LSAMP: variants seen among roughly 807,000 people sequenced by gnomAD.
The protein encoded by LSAMP is limbic system-associated membrane protein.
LSAMP carries 7 observed loss-of-function variants against 38.6 expected under a neutral mutation model. The ratio of observed to expected loss-of-function variants is 0.18; its 90% CI spans 0.10 to 0.34. The LOEUF (loss-of-function observed/expected upper bound fraction) is 0.34. Ranked by LOEUF, LSAMP falls within the 10% of genes least tolerant of loss-of-function variation. LSAMP has a pLI of 1.00. For missense variants in LSAMP, 313 were observed against 420.0 expected (o/e 0.75, Z 2.23); for synonymous variants, 154 against 166.8 (o/e 0.92, Z 0.59).
rs187753958 is a variant in LSAMP, at chr3:116,323,474, C to T, written c.155+121403G>A. Among the ~76,000 whole-genome samples, 420 of 152,182 alleles carry T rather than the reference C, an allele frequency of 2.8e-3. 2 individuals carry two copies. Among genetic ancestry groups the T allele is most frequent in the Non-Finnish European group, 3.1e-3 (210 of 67,960 alleles). The stretch of plus-strand genomic sequence containing the variant: ...AAGTCCAGAGCAAATCTCTTTGACC[C>T]AATTAATCATTTTTAATTGGCTGTA... On this transcript the variant is annotated intron_variant, in intron 1 of 6. Transcript: ENST00000490035.
Position 115,866,625 on chromosome 3 carries a change from G to A in LSAMP, c.515-14008C>T, listed in dbSNP as rs116093687. ...GTTAATCTGTAAATAGATGAGAAAT[G>A]TAAAGTTTCTTTGCATCATGCTATG... is the stretch of plus-strand genomic sequence containing the variant. On this transcript the variant is annotated intron_variant, in intron 3 of 6. Transcript: ENST00000490035. Among the ~76,000 whole-genome samples, 384 of 152,134 alleles carry A rather than the reference G, an allele frequency of 2.5e-3. 3 individuals carry two copies. The highest frequency in any genetic ancestry group is 9.0e-3 in the African/African-American group (374 of 41,514).
intron 1 of LSAMP, among the ~76,000 whole-genome samples, chr3:116,239,032 G>A (rs545277662): frequency 2.0e-5 from 3 of 152,118 alleles, no homozygotes; most frequent in South Asian, 2.1e-4. Flanking sequence ...TTCTCTCCAC[G>A]TGGCTAGGCA....
intron 3 of LSAMP, among the ~76,000 whole-genome samples, chr3:115,940,008 G>T (rs1198287759): frequency 6.6e-6 from 1 of 152,032 alleles, no homozygotes; most frequent in African/African-American, 2.4e-5. Flanking sequence ...TGGGTTCGTG[G>T]TCTCACAGAC....
intron 1 of LSAMP, among the ~76,000 whole-genome samples, chr3:116,430,615 T>G (rs1473585004): frequency 6.6e-6 from 1 of 152,128 alleles, no homozygotes; most frequent in African/African-American, 2.4e-5. Flanking sequence ...AAGATATGCC[T>G]AAATATAATT....
intron 3 of LSAMP, among the ~76,000 whole-genome samples, chr3:115,911,888 G>A (rs933660017): frequency 6.6e-6 from 1 of 152,136 alleles, no homozygotes; most frequent in Non-Finnish European, 1.5e-5. Context: ...ATAAGTGTGT[G>A]GTGATCTCTC....
chr3:115,920,304 C>G (rs142226498), intron 3 of LSAMP, among the ~76,000 whole-genome samples: 1 of 152,260 alleles, frequency 6.6e-6, no homozygotes, highest in African/African-American at 2.4e-5. Context: ...ACTTTCCCAC[C>G]AACAGTGCAC....
chr3:116,304,242 A>G (rs1466454068), intron 1 of LSAMP, among the ~76,000 whole-genome samples: 1 of 152,172 alleles, frequency 6.6e-6, no homozygotes, highest in African/African-American at 2.4e-5. Flanking sequence ...TTAATCCAAT[A>G]TGCTTATAAT....
intron 4 of LSAMP, among the ~76,000 whole-genome samples, chr3:115,847,303 G>T (rs1251113228): frequency 6.6e-6 from 1 of 152,152 alleles, no homozygotes; most frequent in African/African-American, 2.4e-5. Context: ...AGAGGCAGAG[G>T]ATGTAGGCCA....
chr3:115,944,439 C>T (rs1938029892), intron 3 of LSAMP, among the ~76,000 whole-genome samples: 1 of 152,062 alleles, frequency 6.6e-6, no homozygotes, highest in Non-Finnish European at 1.5e-5. Flanking sequence ...TATTAGCTCC[C>T]TGAAACTCCA....
chr3:116,000,085 T>C (rs938090142), intron 3 of LSAMP, among the ~76,000 whole-genome samples: 2 of 152,166 alleles, frequency 1.3e-5, no homozygotes, highest in Admixed American at 6.5e-5. Flanking sequence ...TGGACTCAGA[T>C]AATTACCCAG....
At chr3:116,331,485 A>G (rs1396401148) in intron 1 of LSAMP, among the ~76,000 whole-genome samples, 1 of 152,212 alleles carries the variant, frequency 6.6e-6, no homozygotes, top group Non-Finnish European at 1.5e-5. Context: ...AGATAATTTG[A>G]AAGCAACAAG....
chr3:116,157,634 C>A (rs1183175683), intron 1 of LSAMP, among the ~76,000 whole-genome samples: 1 of 151,992 alleles, frequency 6.6e-6, no homozygotes. Flanking sequence ...TGGAAACATA[C>A]ACCTCTCCAA....
At chr3:116,285,141 A>C (rs1027754813) in intron 1 of LSAMP, among the ~76,000 whole-genome samples, 1 of 152,156 alleles carries the variant, frequency 6.6e-6, no homozygotes, top group African/African-American at 2.4e-5. Flanking sequence ...GCTCAGCTCC[A>C]AATTGGCTGA....
At chr3:116,219,679 C>T (rs753924084) in intron 1 of LSAMP, among the ~76,000 whole-genome samples, 4 of 151,968 alleles carry the variant, frequency 2.6e-5, no homozygotes, top group East Asian at 1.9e-4. Flanking sequence ...CGTGAAAAGG[C>T]GACCTATGGA....
intron 6 of LSAMP, among the ~76,000 whole-genome samples, chr3:115,837,102 C>G (rs140856975): frequency 6.6e-6 from 1 of 152,146 alleles, no homozygotes; most frequent in Admixed American, 6.5e-5. Flanking sequence ...AACAGCAAGC[C>G]TTTCCGATAA....
intron 1 of LSAMP, among the ~76,000 whole-genome samples, chr3:116,115,755 C>T (rs1708728277): frequency 6.7e-6 from 1 of 148,522 alleles, no homozygotes; most frequent in East Asian, 1.9e-4. Context: ...GACATTTTCC[C>T]ATTAACTTCT....
intron 1 of LSAMP, among the ~76,000 whole-genome samples, chr3:116,240,887 T>C (rs1341711783): frequency 6.6e-6 from 1 of 152,182 alleles, no homozygotes. Flanking sequence ...TTCCTTAACC[T>C]GCAGACAGCT....
intron 3 of LSAMP, among the ~76,000 whole-genome samples, chr3:115,921,743 C>T (rs1307220013): frequency 6.6e-6 from 1 of 152,046 alleles, no homozygotes; most frequent in Non-Finnish European, 1.5e-5. Context: ...AGGTCTAGCA[C>T]TGCTGAACTC....
rs190238537 is a variant in LSAMP at position 115,967,237 on chromosome 3, T to G, written c.514+52278A>C. Among the ~76,000 whole-genome samples, 331 of 152,306 alleles carry G rather than the reference T, an allele frequency of 2.2e-3. 2 individuals carry two copies. The highest frequency in any genetic ancestry group is 7.2e-3 in the African/African-American group (301 of 41,572). ...GCTACCTTAAATCATCTTTCTCAAGTTCAAAGTTCCACAAATCTCTAGGGC... is the reference window on the plus strand; with the variant it reads ...GCTACCTTAAATCATCTTTCTCAAGGTCAAAGTTCCACAAATCTCTAGGGC... On this transcript the variant is annotated intron_variant, in intron 3 of 6. Transcript: ENST00000490035.
Sources: gnomAD v4.1 joint callset for allele counts (sites outside exome capture counted in the v4.1 genomes callset) on GRCh38, gnomAD v4.1.1 for gene constraint, MANE v1.5 for transcripts, NCBI Gene and HGNC (gene_info 2026-07-23, HGNC 2026-07-21) for gene names.